The following KIF14 variants were observed in gnomAD, a reference collection of about 807,000 sequenced individuals.
KIF14 encodes the protein kinesin-like protein KIF14.
A neutral mutation model predicts 176.2 loss-of-function variants in KIF14; 98 were observed. That is an observed-to-expected ratio of 0.56 (90% CI 0.47 to 0.66). The LOEUF (loss-of-function observed/expected upper bound fraction) is 0.66, where lower values mean the gene tolerates loss of function less well. Among genes scored for constraint, KIF14 ranks in the 30% least tolerant of loss-of-function variants. KIF14 has a pLI of 0.00. For synonymous variants in KIF14, 566 were observed against 632.2 expected, an observed-to-expected ratio of 0.90 and a Z score of 1.57; for missense variants, 1,751 against 1,920.4, an observed-to-expected ratio of 0.91 and a Z score of 1.65.
chr1:200,560,753 T>A lies in KIF14; in HGVS notation c.4199A>T (p.Glu1400Val). 4 of 1,614,236 alleles carry A rather than the reference T, an allele frequency of 2.5e-6. No individual in the cohort carries two copies. The highest frequency in any genetic ancestry group is 3.4e-6 in the Non-Finnish European group (4 of 1,180,040). Residue 1400 changes from glutamate (E) to valine (V), a missense_variant, in exon 26 of 30, where the codon GAA (glutamate) becomes GTA (valine). Coordinates refer to ENST00000367350, the MANE Select transcript of KIF14 (RefSeq NM_014875.3). The stretch of plus-strand genomic sequence containing the variant: ...ACTGGCAGCTTTATTGTTACCGTTT[T>A]CTAGAAAATGTAGCTTGCTCCCTTT... ...VLKGSKLHFL[E>V]NGNNKAASVQ...
At chr1:200,591,096 T>C (rs1659032177) in intron 16 of KIF14, among the ~76,000 whole-genome samples, 2 of 152,134 alleles carry the variant, frequency 1.3e-5, no homozygotes, top group Admixed American at 1.3e-4. Context: ...GCCTTTGGAC[T>C]ATACAATTAA....
intron 18 of KIF14, among the ~76,000 whole-genome samples, chr1:200,587,195 G>A (rs1428363300): frequency 6.6e-6 from 1 of 152,136 alleles, no homozygotes; most frequent in Non-Finnish European, 1.5e-5. Flanking sequence ...GACTCAGGGA[G>A]AGTGGGAGAG....
chr1:200,595,164 C>T (rs1659265071), intron 14 of KIF14, among the ~76,000 whole-genome samples: 1 of 152,212 alleles, frequency 6.6e-6, no homozygotes. Context: ...CTTCTTGCAA[C>T]CATTCTTGAA....
intron 4 of KIF14, among the ~76,000 whole-genome samples, chr1:200,609,370 C>A (rs930307143): frequency 1.3e-5 from 2 of 152,076 alleles, no homozygotes; most frequent in African/African-American, 2.4e-5. Context: ...ATTACCGGGC[C>A]GGGCACAGTG....
In KIF14 at chr1:200,618,229, C is replaced by G. The variant is rs1234917240; in HGVS notation, c.495G>C (p.Arg165Ser). ...GVSKESRTNVRIVNNAKNSFV... is the reference protein window; with the variant it reads ...GVSKESRTNVSIVNNAKNSFV... ...AAGAGTTTTTAGCATTATTTACAAT[C>G]CTTACATTTGTTCTACTTTCCTTAG... Residue 165 changes from arginine (R) to serine (S), a missense_variant, in exon 2 of 30, where the codon AGG (arginine) becomes AGC (serine). By Grantham distance (110) the Arg-to-Ser change is moderately radical. Coordinates refer to ENST00000367350, the MANE Select transcript of KIF14 (RefSeq NM_014875.3). The G allele has an allele frequency of 6.2e-7, 1 of 1,613,808 alleles. No individual in the cohort carries two copies. The highest frequency in any genetic ancestry group is 8.5e-7 in the Non-Finnish European group (1 of 1,180,010).
intron 3 of KIF14, among the ~76,000 whole-genome samples, chr1:200,614,615 A>G (rs1158166865): frequency 6.6e-6 from 1 of 152,066 alleles, no homozygotes. Flanking sequence ...ACTGTAAAAC[A>G]GGAATAATAC....
chr1:200,583,965 G>A (rs539199477), intron 19 of KIF14, among the ~76,000 whole-genome samples: 62 of 150,836 alleles, frequency 4.1e-4, no homozygotes, highest in African/African-American at 1.2e-3. Context: ...TAGTCGGGCC[G>A]GGCCCCGGTG....
Position 200,575,596 on chromosome 1 carries a change from T to C in KIF14, c.3561A>G (p.Arg1187=). Residue 1187 remains arginine, a synonymous_variant, in exon 22 of 30, where the codon AGA becomes AGG. Transcript: ENST00000367350. The part of the protein sequence containing the change: ...ITDAPVSSLS[R]RRSRSLMKNR... ...AGTAACAAAATTGTCTTTACCTCCT[T>C]CTAGAAAGTGAAGAAACTGGTGCAT... The C allele has an allele frequency of 6.3e-7, 1 of 1,575,716 alleles. No homozygotes were observed. The highest frequency in any genetic ancestry group is 8.6e-7 in the Non-Finnish European group (1 of 1,157,360).
At position 200,585,584 on chromosome 1, in the gene KIF14, G is replaced by A. The variant is rs1047225672; in HGVS notation, c.3241+517C>T. On this transcript the variant is annotated intron_variant, in intron 19 of 29. Coordinates refer to ENST00000367350, the MANE Select transcript of KIF14 (RefSeq NM_014875.3). ...CTATTAACAAATTGCCAGACTGGGT[G>A]GCTTATAAACAACAGCAATTTATTG... is the stretch of plus-strand genomic sequence containing the variant. Among the ~76,000 whole-genome samples the A allele has an allele frequency of 1.6e-4, 24 of 152,134 alleles. 1 individual carries two copies. The highest frequency in any genetic ancestry group is 5.8e-4 in the African/African-American group (24 of 41,430).
intron 23 of KIF14, among the ~76,000 whole-genome samples, chr1:200,568,415 T>C (rs1657586478): frequency 6.6e-6 from 1 of 152,214 alleles, no homozygotes; most frequent in Non-Finnish European, 1.5e-5. Context: ...ATTATCTTCC[T>C]AAAAGAAACC....
rs749799821 is a variant in KIF14 at position 200,565,544 on chromosome 1, T to C, written c.3787A>G (p.Ile1263Val). 4.3e-6 allele frequency: 7 copies of C among 1,611,672 alleles called. No homozygotes were observed. Among genetic ancestry groups the C allele is most frequent in the African/African-American group, 4.0e-5 (3 of 74,862 alleles). The change falls in exon 24 of 30, where the codon ATA (isoleucine) becomes GTA (valine). Residue 1263 changes from isoleucine to valine, a missense_variant. Physicochemically the swap from Ile to Val is conservative, Grantham distance 29 (BLOSUM62 3). Coordinates refer to ENST00000367350, the MANE Select transcript of KIF14 (RefSeq NM_014875.3). ...AAACTATTAATTAGGCTGTCTGCTA[T>C]AGTTCTTTCTTCATCATAACTCTGT... is the stretch of plus-strand genomic sequence containing the variant. Reference protein sequence around the residue: ...FGQSYDEERTIADSLINSFLK... With the variant: ...FGQSYDEERTVADSLINSFLK...
chr1:200,580,061 G>A (rs1658358755), intron 21 of KIF14, among the ~76,000 whole-genome samples, 193 bp downstream of exon 21: 2 of 151,878 alleles, frequency 1.3e-5, no homozygotes, highest in Non-Finnish European at 2.9e-5. Context: ...CCATTTAAAT[G>A]TAAAAATAAA....
chr1:200,570,016 A>G lies in KIF14; in HGVS notation c.3567-11T>C. On this transcript the variant is annotated splice_polypyrimidine_tract_variant and intron_variant, in intron 22 of 29. Transcript: ENST00000367350. ...ATCAAACTCCTACTCCTGAAAAAAG[A>G]CAAACCATAAGATTAGCAGTTCTAT... The G allele has an allele frequency of 2.0e-6, 3 of 1,470,616 alleles. No homozygotes were observed. Among genetic ancestry groups the G allele is most frequent in the Non-Finnish European group, 2.8e-6 (3 of 1,059,114 alleles). The allele number at this position is 1,470,616 out of a possible 1,614,324, so 91.1% of individuals were successfully genotyped here.
At chr1:200,594,363 A>G (rs972764142) in intron 14 of KIF14, among the ~76,000 whole-genome samples, 2 of 122,052 alleles carry the variant, frequency 1.6e-5, no homozygotes, top group Admixed American at 1.7e-4. Context: ...CTTCCCCCAA[A>G]AATTCAAAAA....
In KIF14 at chr1:200,592,174, CTTT is replaced by C; in HGVS notation, c.2716_2718del (p.Lys906del). On this transcript the variant is annotated inframe_deletion, in exon 16 of 30. Transcript: ENST00000367350. Reference sequence around the variant, plus strand: ...GTATCTCTTCCAGATGGCCTTTTTCCTTTCTGGACTTCTACTGGATGATTAAAT... The same window carrying C: ...GTATCTCTTCCAGATGGCCTTTTTCCCTGGACTTCTACTGGATGATTAAAT... The C allele has an allele frequency of 6.2e-7, 1 of 1,613,592 alleles. No individual in the cohort carries two copies. Among genetic ancestry groups the C allele is most frequent in the Non-Finnish European group, 8.5e-7 (1 of 1,179,812 alleles).
chr1:200,560,594 C>G, intron 26 of KIF14, 128 bp downstream of exon 26: 1 of 1,049,720 alleles, frequency 9.5e-7, no homozygotes, highest in Non-Finnish European at 1.4e-6. Context: ...AATCTTATTG[C>G]AAAACTACTA....
chr1:200,615,010 T>C (rs1660343227), intron 3 of KIF14, among the ~76,000 whole-genome samples: 1 of 152,126 alleles, frequency 6.6e-6, no homozygotes, highest in Non-Finnish European at 1.5e-5. Flanking sequence ...TAGCTGAGAC[T>C]ACAGGTGTGT....
At chr1:200,556,402 C>T (rs1436050469) in intron 27 of KIF14, among the ~76,000 whole-genome samples, 1 of 152,132 alleles carries the variant, frequency 6.6e-6, no homozygotes. Context: ...TGTTTCAGCT[C>T]ATTTTCTATT....
intron 5 of KIF14, among the ~76,000 whole-genome samples, chr1:200,608,523 C>G (rs911599627): frequency 6.6e-6 from 1 of 152,020 alleles, no homozygotes; most frequent in Non-Finnish European, 1.5e-5. Context: ...CCGCCACACC[C>G]GGCTAATTTT....
Sources: gnomAD v4.1 joint callset for allele counts (sites outside exome capture counted in the v4.1 genomes callset) on GRCh38, gnomAD v4.1.1 for gene constraint, MANE v1.5 for transcripts, NCBI Gene and HGNC (gene_info 2026-07-23, HGNC 2026-07-21) for gene names.